Variants in FSD2 observed in about 807,000 individuals in gnomAD.
FSD2 encodes fibronectin type III and SPRY domain-containing protein 2.
FSD2 carries 71 observed loss-of-function variants against 80.4 expected under a neutral mutation model. The ratio of observed to expected loss-of-function variants is 0.88; its 90% confidence interval spans 0.73 to 1.08. The LOEUF is 1.08. Ranked by LOEUF, FSD2 falls within the 50% of genes least tolerant of loss-of-function variation. FSD2 has a pLI of 0.00. For missense variants in FSD2, 923 were observed against 913.8 expected (o/e 1.01, Z -0.13); for synonymous variants, 361 against 329.5 (o/e 1.10, Z -1.03).
chr15:82,766,856 T>C (rs915198660), intron 9 of FSD2, among the ~76,000 whole-genome samples: 2 of 152,188 alleles, frequency 1.3e-5, no homozygotes, highest in Non-Finnish European at 2.9e-5. Flanking sequence ...TAATCCAATG[T>C]ATTTAAATTG....
At chr15:82,790,517 G>A (rs1303820893) in intron 1 of FSD2, among the ~76,000 whole-genome samples, 1 of 151,270 alleles carries the variant, frequency 6.6e-6, no homozygotes, top group African/African-American at 2.4e-5. Context: ...CAAAGTCCAT[G>A]CTTTCTTCCT....
At position 82,757,744 on chromosome 15, in the gene FSD2, G is replaced by A. The variant is rs2049205184; in HGVS notation, c.*1604C>T. ...TCAGAGTAGACAGTCCAGCTTGGCA[G>A]GATAGGTGTGTGTGTGTATAACGAG... On this transcript the variant is annotated 3_prime_UTR_variant, in exon 13 of 13. Transcript: ENST00000334574. 6.6e-6 allele frequency: 1 copy of A among 152,204 alleles called. No individual in the cohort carries two copies. Among genetic ancestry groups the A allele is most frequent in the Admixed American group, 6.5e-5 (1 of 15,284 alleles). 9.4% of individuals were successfully genotyped at this position (152,204 alleles called of 1,614,324 possible).
chr15:82,777,718 G>A (rs2151506454), intron 6 of FSD2, among the ~76,000 whole-genome samples: 1 of 151,946 alleles, frequency 6.6e-6, no homozygotes. Flanking sequence ...GTGGTGGCGG[G>A]TGCCTGTAAT....
At chr15:82,762,697 GC>G (rs1263426863) in intron 11 of FSD2, among the ~76,000 whole-genome samples, 1 of 152,160 alleles carries the variant, frequency 6.6e-6, no homozygotes, top group Non-Finnish European at 1.5e-5. Flanking sequence ...CTTTGAGGTA[GC>G]CATCATGTTA....
chr15:82,771,993 T>G, intron 7 of FSD2, 80 bp downstream of exon 7: 2 of 1,379,260 alleles, frequency 1.5e-6, no homozygotes, highest in Non-Finnish European at 1.9e-6. Flanking sequence ...CCATCCCAAC[T>G]GCCAGGAAGA....
At chr15:82,798,291 G>C (rs957496626) in intron 1 of FSD2, among the ~76,000 whole-genome samples, 1 of 152,128 alleles carries the variant, frequency 6.6e-6, no homozygotes, top group Non-Finnish European at 1.5e-5. Context: ...GCTGCAGTGA[G>C]CTATTATCTT....
chr15:82,772,938 C>T (rs2049619824), intron 6 of FSD2, among the ~76,000 whole-genome samples: 1 of 152,176 alleles, frequency 6.6e-6, no homozygotes, highest in Non-Finnish European at 1.5e-5. Flanking sequence ...GCCTCCACAT[C>T]CCGATTCAAG....
chr15:82,778,964 G>A (rs1459210269), intron 5 of FSD2, 77 bp from the exon 6 acceptor site: 1 of 1,501,346 alleles, frequency 6.7e-7, no homozygotes, highest in African/African-American at 1.4e-5. Flanking sequence ...CTGAGTCACT[G>A]TCATAAATGA....
chr15:82,765,382 G>A, intron 10 of FSD2, 84 bp from the exon 11 acceptor site: 1 of 1,574,414 alleles, frequency 6.4e-7, no homozygotes, highest in Non-Finnish European at 8.7e-7. Context: ...TTAGCTTCGT[G>A]TGGGATACAC....
rs780944281 is a variant in FSD2 at position 82,766,029 on chromosome 15, G to C, written c.1556C>G (p.Ser519Cys). 81 of 1,581,074 alleles carry C rather than the reference G, an allele frequency of 5.1e-5. 1 individual carries two copies. The South Asian group carries it at 9.3e-4, about 18-fold the overall frequency. The change falls in exon 10 of 13, where the codon TCT becomes TGT. Residue 519 changes from serine to cysteine, a missense_variant and splice_region_variant. Ser to Cys is a moderately radical substitution (Grantham distance 112). Coordinates refer to ENST00000334574, the MANE Select transcript of FSD2 (RefSeq NM_001007122.4). ...CTCGCAGGTCGGGATGCCCACAACAGACCTGTACAAGGAAGCAGAGCTGCA... is the reference window on the plus strand; with the variant it reads ...CTCGCAGGTCGGGATGCCCACAACACACCTGTACAAGGAAGCAGAGCTGCA... ...ESPEASGVTE[S>C]VVGIPTCESV...
At chr15:82,786,385 A>T (rs11259947) in intron 3 of FSD2, 126 bp downstream of exon 3, 1 of 703,402 alleles carries the variant, frequency 1.4e-6, no homozygotes, top group African/African-American at 1.8e-5. Context: ...GGAGGAGAGA[A>T]GGGGGAGTGG....
intron 6 of FSD2, among the ~76,000 whole-genome samples, chr15:82,775,574 A>G (rs374394527): frequency 6.6e-6 from 1 of 152,150 alleles, no homozygotes; most frequent in Non-Finnish European, 1.5e-5. Flanking sequence ...CTTAGAGGAA[A>G]AGCTTTCAAC....
At chr15:82,782,325 A>T (rs1023014626) in intron 4 of FSD2, among the ~76,000 whole-genome samples, 2 of 146,192 alleles carry the variant, frequency 1.4e-5, no homozygotes, top group African/African-American at 5.0e-5. Flanking sequence ...GCGTGAACCC[A>T]GGAGGCAGAG....
At position 82,782,111 on chromosome 15, in the gene FSD2, C is replaced by A. The variant is rs181437055; in HGVS notation, c.966+684G>T. On this transcript the variant is annotated intron_variant, in intron 4 of 12. Coordinates refer to ENST00000334574, the MANE Select transcript of FSD2 (RefSeq NM_001007122.4). ...TAATAATAATAATAATAATAAAACT[C>A]TTGGCCGGGCATGGTGGCTCACGCC... 8.9e-3 allele frequency among the ~76,000 whole-genome samples: 853 copies of A among 96,306 alleles called. 9 individuals are homozygous for A. The highest frequency in any genetic ancestry group is 0.035 in the African/African-American group (820 of 23,622). 63.2% of individuals were successfully genotyped at this position (96,306 alleles called of 152,430 possible).
chr15:82,780,209 T>A, intron 5 of FSD2, 36 bp downstream of exon 5: 1 of 1,452,478 alleles, frequency 6.9e-7, no homozygotes, highest in Non-Finnish European at 9.2e-7. Context: ...TTGAAAAAAG[T>A]AAAAAAAGAA....
chr15:82,794,531 A>G (rs779100590), intron 1 of FSD2, among the ~76,000 whole-genome samples: 14 of 152,044 alleles, frequency 9.2e-5, no homozygotes, highest in Admixed American at 6.6e-4. Flanking sequence ...TAAGTCTTCT[A>G]TTTCCTTGTT....
In FSD2 at chr15:82,756,396, TAAG is replaced by T. The variant is rs71970395; in HGVS notation, c.*2949_*2951del. 0.15 allele frequency: 23,643 copies of T among 156,260 alleles called. 2,070 individuals are homozygous for T. Among genetic ancestry groups the T allele is most frequent in the East Asian group, 0.24 (1,316 of 5,470 alleles). The allele number at this position is 156,260 out of a possible 1,614,324, so 9.7% of individuals were successfully genotyped here. ...ACAGATTTTGGAGGATGAGAAGTAT[TAAG>T]AAGAAGGCCCCACTGTCCATGCATT... On this transcript the variant is annotated 3_prime_UTR_variant, in exon 13 of 13. Transcript: ENST00000334574.
chr15:82,785,875 T>C (rs2049984039), intron 3 of FSD2, among the ~76,000 whole-genome samples: 1 of 152,052 alleles, frequency 6.6e-6, no homozygotes, highest in Non-Finnish European at 1.5e-5. Context: ...AACCCGGGGA[T>C]TCTCAGTAAG....
At chr15:82,796,213 G>T (rs1389657336) in intron 1 of FSD2, 1 of 153,616 alleles carries the variant, frequency 6.5e-6, no homozygotes, top group East Asian at 1.9e-4. Context: ...ATGTTGTCCA[G>T]GCTGGTCTCA....
Sources: allele counts gnomAD v4.1 joint callset (sites outside exome capture counted in the v4.1 genomes callset), GRCh38; gene constraint gnomAD v4.1.1; transcripts MANE v1.5; gene names NCBI Gene and HGNC (gene_info 2026-07-23, HGNC 2026-07-21).